The following RAPGEF1 variants were observed in gnomAD, a reference collection of about 807,000 sequenced individuals.
The protein encoded by RAPGEF1 is CRK SH3-binding GNRP.
RAPGEF1 carries 33 observed loss-of-function variants against 143.3 expected under a neutral mutation model. The ratio of observed to expected loss-of-function variants is 0.23; its 90% CI spans 0.17 to 0.31. The LOEUF is 0.31. Ranked by LOEUF, RAPGEF1 falls within the 10% of genes least tolerant of loss-of-function variation. The pLI is 1.00. For missense variants in RAPGEF1, 1,199 were observed against 1,645.4 expected, an observed-to-expected ratio of 0.73 and a Z score of 4.69; for synonymous variants, 629 against 676.5, an observed-to-expected ratio of 0.93 and a Z score of 1.09.
intron 1 of RAPGEF1, among the ~76,000 whole-genome samples, chr9:131,697,524 C>CAA (rs1834280658): frequency 6.6e-6 from 1 of 152,172 alleles, no homozygotes; most frequent in African/African-American, 2.4e-5. Context: ...GCTCTTGCAG[C>CAA]AAAATGCAGG....
chr9:131,683,221 C>T (rs748581854), intron 1 of RAPGEF1, among the ~76,000 whole-genome samples: 35 of 152,130 alleles, frequency 2.3e-4, no homozygotes, highest in Non-Finnish European at 4.0e-4. Flanking sequence ...TGATGGTGGC[C>T]ATTGTTAAGC....
intron 12 of RAPGEF1, among the ~76,000 whole-genome samples, chr9:131,610,578 T>C (rs1957886463): frequency 6.6e-6 from 1 of 152,238 alleles, no homozygotes; most frequent in African/African-American, 2.4e-5. Flanking sequence ...ATTGGACAGC[T>C]GGTTTTCGGG....
In RAPGEF1 at chr9:131,628,024, G is replaced by A; in HGVS notation, c.1090C>T (p.Arg364Cys). 3.2e-6 allele frequency: 5 copies of A among 1,566,912 alleles called. No homozygotes were observed. Among genetic ancestry groups the A allele is most frequent in the South Asian group, 1.2e-5 (1 of 85,284 alleles). ...CCTATGCTGCTGCAGGGGGAGAGGCGGGGCGACTCTCCACCATATGAGTGG... is the reference window on the plus strand; with the variant it reads ...CCTATGCTGCTGCAGGGGGAGAGGCAGGGCGACTCTCCACCATATGAGTGG... ...GSHSYGGESP[R>C]LSPCSSIGKL... The change falls in exon 9 of 27, where the codon CGC (arginine) becomes TGC (cysteine). Residue 364 changes from arginine (R) to cysteine (C), a missense_variant. By Grantham distance (180) the Arg-to-Cys change is radical. This residue lies in a region of RAPGEF1 where 613 missense variants were observed against 710.9 expected (regional missense o/e 0.86). Coordinates refer to ENST00000683357, the MANE Select transcript of RAPGEF1 (RefSeq NM_001377935.1). The surrounding 1 kb of genome is among the most constrained non-coding windows in gnomAD (Gnocchi z 5.7).
chr9:131,619,304 CA>C, intron 11 of RAPGEF1, 98 bp from the exon 12 acceptor site: 1 of 1,074,986 alleles, frequency 9.3e-7, no homozygotes, highest in Non-Finnish European at 1.3e-6. Flanking sequence ...GGTTGCTCTC[CA>C]CATCCTCTAA....
Position 131,626,024 on chromosome 9 carries a change from C to T in RAPGEF1, c.1600G>A (p.Gly534Ser), listed in dbSNP as rs1382219909. 1.2e-6 allele frequency: 2 copies of T among 1,612,240 alleles called. No homozygotes were observed. Among genetic ancestry groups the T allele is most frequent in the Non-Finnish European group, 1.7e-6 (2 of 1,178,390 alleles). Residue 534 changes from glycine to serine, a missense_variant, in exon 10 of 27, where the codon GGT becomes AGT. Gly to Ser is a moderately conservative substitution (Grantham distance 56). Transcript: ENST00000683357. ...FAAILPFQHG[G>S]SSAPVEFVGD... is the part of the protein sequence containing the mutation. ...ACAAATTCGACAGGGGCTGAGGAAC[C>T]TCCATGCTGAAAGGGCAGAATAGCA...
At chr9:131,716,650 G>A (rs955703019) in intron 1 of RAPGEF1, among the ~76,000 whole-genome samples, 2 of 152,190 alleles carry the variant, frequency 1.3e-5, no homozygotes, top group Non-Finnish European at 2.9e-5. Context: ...ATGTGTGTCT[G>A]TAGTCACAGC....
intron 1 of RAPGEF1, among the ~76,000 whole-genome samples, chr9:131,723,923 A>C (rs1437110965): frequency 2.0e-5 from 3 of 152,116 alleles, no homozygotes; most frequent in Non-Finnish European, 4.4e-5. Context: ...AGATTCCCCC[A>C]CATTCTCCAC....
chr9:131,609,682 G>A (rs1382650830), intron 12 of RAPGEF1, among the ~76,000 whole-genome samples: 1 of 152,192 alleles, frequency 6.6e-6, no homozygotes, highest in African/African-American at 2.4e-5. Context: ...AAACGATGCT[G>A]GAGGCTGATG....
intron 5 of RAPGEF1, among the ~76,000 whole-genome samples, chr9:131,636,097 T>C (rs76194615): frequency 0.088 from 13,405 of 152,122 alleles, 722 homozygotes; most frequent in East Asian, 0.25. Context: ...GAAAGGAAGG[T>C]CATCATACCC....
In RAPGEF1 at chr9:131,628,237, G is replaced by C; in HGVS notation, c.1018-141C>G. The C allele has an allele frequency of 1.2e-6, 1 of 854,634 alleles. No homozygotes were observed. The highest frequency in any genetic ancestry group is 1.8e-6 in the Non-Finnish European group (1 of 570,346). The allele number at this position is 854,634 out of a possible 1,614,324, so 52.9% of individuals were successfully genotyped here. On this transcript the variant is annotated intron_variant, in intron 8 of 26. Transcript: ENST00000683357. The surrounding 1 kb of genome is among the most constrained non-coding windows in gnomAD (Gnocchi z 5.7). ...GAAACCACCTCTGACGTCAGTAGTC[G>C]AAGGACACATACAGCTGAGAAGCAG...
chr9:131,656,641 A>T (rs1055033279), intron 1 of RAPGEF1, among the ~76,000 whole-genome samples: 2 of 152,158 alleles, frequency 1.3e-5, no homozygotes, highest in Non-Finnish European at 2.9e-5. Flanking sequence ...TCAGGCAGGC[A>T]TGGGGCTGAG....
chr9:131,679,738 G>A (rs147736431), intron 1 of RAPGEF1, among the ~76,000 whole-genome samples: 4 of 152,318 alleles, frequency 2.6e-5, no homozygotes, highest in East Asian at 1.9e-4. Flanking sequence ...TTGCCCACTC[G>A]GGGTGTGGGC....
In RAPGEF1 at chr9:131,733,401, G is replaced by T. The variant is rs186876962; in HGVS notation, c.61+6369C>A. On this transcript the variant is annotated intron_variant, in intron 1 of 26. Coordinates refer to ENST00000683357, the MANE Select transcript of RAPGEF1 (RefSeq NM_001377935.1). ...GTGGTGCGGGGTTGGCGGGGGCAGT[G>T]GCTACAGCTTAAAAACACAAACAGA... 1.5e-4 allele frequency among the ~76,000 whole-genome samples: 22 copies of T among 150,502 alleles called. No homozygotes were observed. In the East Asian group the frequency reaches 4.2e-3, roughly 29 times the overall value.
intron 3 of RAPGEF1, among the ~76,000 whole-genome samples, chr9:131,648,932 C>T (rs944063131): frequency 2.0e-5 from 3 of 152,190 alleles, no homozygotes; most frequent in African/African-American, 4.8e-5. Flanking sequence ...ATGGCTGTGA[C>T]AGTAGTTCTG....
chr9:131,614,776 C>G (rs927907514), intron 12 of RAPGEF1, among the ~76,000 whole-genome samples: 7 of 152,084 alleles, frequency 4.6e-5, no homozygotes, highest in Non-Finnish European at 1.0e-4. Flanking sequence ...GCTCTGCAGA[C>G]CCTTTTAAAA....
chr9:131,699,105 G>A (rs1031644159), intron 1 of RAPGEF1, among the ~76,000 whole-genome samples: 11 of 151,968 alleles, frequency 7.2e-5, no homozygotes, highest in Non-Finnish European at 1.2e-4. Flanking sequence ...TCCCTTGACC[G>A]CAATACCCTT....
chr9:131,580,173 TCCC>T lies in RAPGEF1; in HGVS notation c.3641+87_3641+89del, dbSNP rs1951649749. 2.0e-6 allele frequency: 3 copies of T among 1,522,346 alleles called. No individual in the cohort carries two copies. The Admixed American group carries it at 5.5e-5, about 28-fold the overall frequency. The allele number at this position is 1,522,346 out of a possible 1,614,324, so 94.3% of individuals were successfully genotyped here. ...GGCAGGTCCCTGGGTCCTCTGTGGC[TCCC>T]CCTCCCCTCGGTGTCCCGGGCTGTC... On this transcript the variant is annotated intron_variant, in intron 26 of 26. Transcript: ENST00000683357.
chr9:131,722,809 T>A (rs987675365), intron 1 of RAPGEF1, among the ~76,000 whole-genome samples: 16 of 152,084 alleles, frequency 1.1e-4, no homozygotes, highest in African/African-American at 3.9e-4. Flanking sequence ...GAGGCTGCAG[T>A]GAGCCATGAT....
chr9:131,718,716 T>TA (rs1489580383), intron 1 of RAPGEF1, among the ~76,000 whole-genome samples: 1 of 152,130 alleles, frequency 6.6e-6, no homozygotes, highest in Non-Finnish European at 1.5e-5. Flanking sequence ...CAAGGTGAGT[T>TA]ACCAGGCAGA....
Sources: allele counts gnomAD v4.1 joint callset (sites outside exome capture counted in the v4.1 genomes callset), GRCh38; gene constraint gnomAD v4.1.1; regional missense constraint gnomAD v4.1.1; non-coding constraint Gnocchi (gnomAD v3.1); transcripts MANE v1.5; gene names NCBI Gene and HGNC (gene_info 2026-07-23, HGNC 2026-07-21).